Variants in ADAMTS10 observed in about 807,000 individuals in gnomAD.
The protein encoded by ADAMTS10 is ADAM metallopeptidase with thrombospondin type 1 motif 10.
A neutral mutation model predicts 135.9 loss-of-function variants in ADAMTS10; 48 were observed. That is an observed-to-expected ratio of 0.35 (90% CI 0.28 to 0.45). ADAMTS10 has a LOEUF of 0.45. ADAMTS10 is among the 20% of genes least tolerant of loss of function. ADAMTS10 has a pLI of 1.00. For synonymous variants in ADAMTS10, 621 were observed against 647.5 expected, an observed-to-expected ratio of 0.96 and a Z score of 0.62; for missense variants, 1,131 against 1,565.2, an observed-to-expected ratio of 0.72 and a Z score of 4.68.
chr19:8,590,623 T>C (rs1313654923), intron 15 of ADAMTS10, among the ~76,000 whole-genome samples: 1 of 151,706 alleles, frequency 6.6e-6, no homozygotes, highest in Non-Finnish European at 1.5e-5. Flanking sequence ...CACGCCTGGC[T>C]AATTTTTTGT....
rs1266446148 is a variant in ADAMTS10 at position 8,592,994 on chromosome 19, C to T, written c.1480-124G>A. 9.2e-6 allele frequency: 8 copies of T among 867,410 alleles called. No individual in the cohort carries two copies. The African/African-American group carries it at 1.3e-4, about 14-fold the overall frequency. The allele number at this position is 867,410 out of a possible 1,614,324, so 53.7% of individuals were successfully genotyped here. A position where few individuals can be genotyped will look rare whatever the true frequency, so the allele number is the denominator to read the frequency against. On this transcript the variant is annotated intron_variant, in intron 12 of 25. Transcript: ENST00000597188. The stretch of plus-strand genomic sequence containing the variant: ...TCCCAGAGCAGAGAGCCCGGTGCTC[C>T]CTTCCTGGCTCGCGGTGGGTCTTCG...
chr19:8,599,629 C>T (rs1327192618), intron 6 of ADAMTS10, among the ~76,000 whole-genome samples: 2 of 151,984 alleles, frequency 1.3e-5, no homozygotes, highest in African/African-American at 4.8e-5. Flanking sequence ...CCGTGCCCAG[C>T]CTACTGCGAT....
chr19:8,589,314 G>T lies in ADAMTS10; in HGVS notation c.2086C>A (p.Arg696=). 1.2e-6 allele frequency: 2 copies of T among 1,612,602 alleles called. No individual in the cohort carries two copies. Among genetic ancestry groups the T allele is most frequent in the Non-Finnish European group, 1.7e-6 (2 of 1,179,970 alleles). The part of the protein sequence containing the change: ...LGSDLREDKC[R]VCGGDGSACE... ...GCACTGCCGTCACCGCCACACACTC[G>T]GCACTTGTCCTCCCGCAGGTCGGAG... Residue 696 remains arginine, a synonymous_variant, in exon 18 of 26, where the codon CGA becomes AGA. Coordinates refer to ENST00000597188, the MANE Select transcript of ADAMTS10 (RefSeq NM_030957.4).
chr19:8,600,646 C>A (rs1164467484), intron 6 of ADAMTS10, among the ~76,000 whole-genome samples: 10 of 151,802 alleles, frequency 6.6e-5, no homozygotes, highest in African/African-American at 2.4e-4. Context: ...CTACAGGCGC[C>A]CGCCACCACA....
Position 8,597,025 on chromosome 19 carries a change from G to T in ADAMTS10, c.1002C>A (p.Asn334Lys), listed in dbSNP as rs145437113. The change falls in exon 8 of 26, where the codon AAC becomes AAA. Residue 334 changes from asparagine to lysine, a missense_variant. Transcript: ENST00000597188. ...HSGHGNAIPENGVANHDTAVL... is the reference protein window; with the variant it reads ...HSGHGNAIPEKGVANHDTAVL... ...CTGCTGTGTCATGGTTAGCCACACC[G>T]TTCTCTGGAATGGCATTGCCATGGC... 6.2e-7 allele frequency: 1 copy of T among 1,614,042 alleles called. No individual in the cohort carries two copies. The highest frequency in any genetic ancestry group is 8.5e-7 in the Non-Finnish European group (1 of 1,180,026).
chr19:8,601,025 T>C lies in ADAMTS10; in HGVS notation c.713A>G (p.Glu238Gly). Reference sequence around the variant, plus strand: ...CACCACCAGGGTCTCCACGTAGCGCTCTCGGCTGACCGATCGCTTCAGGCC... The same window carrying C: ...CACCACCAGGGTCTCCACGTAGCGCCCTCGGCTGACCGATCGCTTCAGGCC... ...QPGLKRSVSR[E>G]RYVETLVVAD... Residue 238 changes from glutamate (E) to glycine (G), a missense_variant, in exon 6 of 26, where the codon GAG (glutamate) becomes GGG (glycine). This residue lies in a region of ADAMTS10 where 306 missense variants were observed against 344.4 expected (regional missense o/e 0.89). Coordinates refer to ENST00000597188, the MANE Select transcript of ADAMTS10 (RefSeq NM_030957.4). The surrounding 1 kb of genome is among the most constrained non-coding windows in gnomAD (Gnocchi z 4.6). 1.2e-6 allele frequency: 2 copies of C among 1,614,170 alleles called. No homozygotes were observed. The highest frequency in any genetic ancestry group is 2.2e-5 in the South Asian group (2 of 91,090).
intron 1 of ADAMTS10, among the ~76,000 whole-genome samples, chr19:8,609,153 T>G (rs73501596): frequency 1.2e-3 from 180 of 144,400 alleles, no homozygotes; most frequent in African/African-American, 4.8e-3. Context: ...CATTACAGCA[T>G]GTATGTGAGT....
At position 8,580,658 on chromosome 19, in the gene ADAMTS10, G is replaced by T; in HGVS notation, c.*235C>A. 1 of 524,362 alleles carries T rather than the reference G, an allele frequency of 1.9e-6. No individual in the cohort carries two copies. The highest frequency in any genetic ancestry group is 3.5e-6 in the Non-Finnish European group (1 of 288,996). The allele number at this position is 524,362 out of a possible 1,614,324, so 32.5% of individuals were successfully genotyped here. A position where few individuals can be genotyped will look rare whatever the true frequency, so the allele number is the denominator to read the frequency against. Reference sequence around the variant, plus strand: ...CCCTCCCCAGACCCACCCTGGAGGGGGGGTCTCACTATGTGAACTGGAAGG... The same window carrying T: ...CCCTCCCCAGACCCACCCTGGAGGGTGGGTCTCACTATGTGAACTGGAAGG... On this transcript the variant is annotated 3_prime_UTR_variant, in exon 26 of 26. Transcript: ENST00000597188.
At chr19:8,600,533 C>A (rs2042653847) in intron 6 of ADAMTS10, among the ~76,000 whole-genome samples, 2 of 136,770 alleles carry the variant, frequency 1.5e-5, no homozygotes, top group Admixed American at 1.6e-4. Flanking sequence ...GAGTCTTGCT[C>A]TGTCGCCCAG....
In ADAMTS10 at chr19:8,580,755, G is replaced by A; in HGVS notation, c.*138C>T. On this transcript the variant is annotated 3_prime_UTR_variant, in exon 26 of 26. Coordinates refer to ENST00000597188, the MANE Select transcript of ADAMTS10 (RefSeq NM_030957.4). ...ATCCCCCCAGCCAGGGCCCTGCAGG[G>A]GTTCCCAATAAATAACTTCCGGCTC... The A allele has an allele frequency of 1.5e-6, 1 of 687,508 alleles. No homozygotes were observed. The highest frequency in any genetic ancestry group is 1.7e-5 in the South Asian group (1 of 58,548). 42.6% of individuals were successfully genotyped at this position (687,508 alleles called of 1,614,324 possible).
chr19:8,604,737 C>T (rs1324717249), intron 4 of ADAMTS10, among the ~76,000 whole-genome samples: 2 of 152,048 alleles, frequency 1.3e-5, no homozygotes, highest in African/African-American at 4.8e-5. Flanking sequence ...CTGCCCGCCT[C>T]ACCCTCCCAA....
chr19:8,602,044 G>A (rs782113270), intron 5 of ADAMTS10, among the ~76,000 whole-genome samples: 4 of 152,280 alleles, frequency 2.6e-5, no homozygotes, highest in Admixed American at 6.5e-5. Flanking sequence ...CTTGGACAAC[G>A]TGTTGTCCTT....
chr19:8,592,470 A>G (rs1600105791), intron 13 of ADAMTS10, among the ~76,000 whole-genome samples: 1 of 151,286 alleles, frequency 6.6e-6, no homozygotes, highest in South Asian at 2.1e-4. Context: ...GGGAGAGAGC[A>G]AACAGTAGGC....
At position 8,589,445 on chromosome 19, in the gene ADAMTS10, C is replaced by T. The variant is rs781898637; in HGVS notation, c.2034+7G>A. On this transcript the variant is annotated splice_region_variant and intron_variant, in intron 17 of 25. Coordinates refer to ENST00000597188, the MANE Select transcript of ADAMTS10 (RefSeq NM_030957.4). ...CCCCTCTCCACCTCCCTGGGAGTCC[C>T]CTCCACCTTGCATTCGCCACTGACG... 1 of 1,613,606 alleles carries T rather than the reference C, an allele frequency of 6.2e-7. No homozygotes were observed. The highest frequency in any genetic ancestry group is 8.5e-7 in the Non-Finnish European group (1 of 1,179,896).
intron 18 of ADAMTS10, 80 bp from the exon 19 acceptor site, chr19:8,586,976 A>G: frequency 7.0e-7 from 1 of 1,426,828 alleles, no homozygotes; most frequent in Non-Finnish European, 9.9e-7. Context: ...GCCCATGAGG[A>G]TAACAGCTAA....
chr19:8,604,968 A>G (rs1555742188), intron 4 of ADAMTS10, 44 bp downstream of exon 4: 3 of 1,545,616 alleles, frequency 1.9e-6, no homozygotes, highest in African/African-American at 1.4e-5. Flanking sequence ...TTAACTTCCA[A>G]ACTTATGGGC....
chr19:8,588,554 C>T (rs1480244461), intron 18 of ADAMTS10, among the ~76,000 whole-genome samples: 4 of 152,178 alleles, frequency 2.6e-5, no homozygotes, highest in South Asian at 2.1e-4. Flanking sequence ...TGAGCCTCCT[C>T]CCCTCTTGCC....
rs373528676 is a variant in ADAMTS10, at chr19:8,586,577, T to C, written c.2384A>G (p.Asn795Ser). The C allele has an allele frequency of 1.7e-4, 280 of 1,613,774 alleles. No individual in the cohort carries two copies. Among genetic ancestry groups the C allele is most frequent in the Non-Finnish European group, 2.4e-4 (278 of 1,179,996 alleles). The change falls in exon 20 of 26, where the codon AAT (asparagine) becomes AGT (serine). Residue 795 changes from asparagine (N) to serine (S), a missense_variant. Transcript: ENST00000597188. ...VQSLEALGPI[N>S]ASLIVMVLAR... Reference sequence around the variant, plus strand: ...TGTTACCATGACGATGAGAGATGCATTAATCGGTCCCAGGGCTTCGAGGCT... The same window carrying C: ...TGTTACCATGACGATGAGAGATGCACTAATCGGTCCCAGGGCTTCGAGGCT...
chr19:8,580,441 C>G lies in ADAMTS10; in HGVS notation c.*452G>C, dbSNP rs1555735479. On this transcript the variant is annotated 3_prime_UTR_variant, in exon 26 of 26. Transcript: ENST00000597188. ...GGTGTCAGGGAGGTGGTGCTACCCCCCCCCCTCCCATAGCAGACACAGATT... is the reference window on the plus strand; with the variant it reads ...GGTGTCAGGGAGGTGGTGCTACCCCGCCCCCTCCCATAGCAGACACAGATT... 1 of 171,494 alleles carries G rather than the reference C, an allele frequency of 5.8e-6. No homozygotes were observed. Among genetic ancestry groups the G allele is most frequent in the Non-Finnish European group, 1.3e-5 (1 of 78,554 alleles). 10.6% of individuals were successfully genotyped at this position (171,494 alleles called of 1,614,324 possible). A position where few individuals can be genotyped will look rare whatever the true frequency, so the allele number is the denominator to read the frequency against.
Sources: gnomAD v4.1 joint callset for allele counts (sites outside exome capture counted in the v4.1 genomes callset) on GRCh38, gnomAD v4.1.1 for gene constraint, gnomAD v4.1.1 regional missense constraint, Gnocchi (gnomAD v3.1) non-coding constraint, MANE v1.5 for transcripts, NCBI Gene and HGNC (gene_info 2026-07-23, HGNC 2026-07-21) for gene names.